SATL1: variants seen among roughly 807,000 people sequenced by gnomAD.
SATL1 encodes the protein spermidine/spermine N(1)-acetyltransferase-like protein 1.
In SATL1, 47 loss-of-function variants were observed where a neutral mutation model predicts 51.8. That is an observed-to-expected ratio of 0.91 (90% CI 0.72 to 1.16). SATL1 has a LOEUF of 1.16. Ranked by LOEUF, SATL1 falls within the 50% of genes most tolerant of loss-of-function variation. The pLI, the probability that SATL1 is intolerant of heterozygous loss-of-function variation, is 0.00. For synonymous variants in SATL1, 176 were observed against 182.4 expected, an observed-to-expected ratio of 0.97 and a Z score of 0.28; for missense variants, 520 against 526.4, an observed-to-expected ratio of 0.99 and a Z score of 0.12.
At chrX:85,133,388 C>T (rs1569233673) in intron 2 of SATL1, among the ~76,000 whole-genome samples, 1 of 112,212 alleles carries the variant, frequency 8.9e-6, no homozygotes. Flanking sequence ...CCCAGCCAGG[C>T]TTGCCACCTC....
intron 1 of SATL1, among the ~76,000 whole-genome samples, chrX:85,227,825 G>T: frequency 9.0e-6 from 1 of 111,650 alleles, no homozygotes; most frequent in African/African-American, 3.2e-5. Flanking sequence ...GGGGAATTTG[G>T]AACATGGTCT....
intron 2 of SATL1, among the ~76,000 whole-genome samples, chrX:85,126,749 A>T (rs915818860): frequency 9.0e-6 from 1 of 111,056 alleles, no homozygotes; most frequent in Non-Finnish European, 1.9e-5. Flanking sequence ...AGCACAAATT[A>T]GGTACCTAGT....
intron 2 of SATL1, among the ~76,000 whole-genome samples, chrX:85,180,536 A>G (rs1927178706): frequency 8.9e-6 from 1 of 111,961 alleles, no homozygotes; most frequent in Admixed American, 9.5e-5. Context: ...TTATAATCTT[A>G]TGGAACAAGC....
intron 2 of SATL1, among the ~76,000 whole-genome samples, chrX:85,181,670 G>C (rs1186796140): frequency 9.0e-6 from 1 of 110,931 alleles, no homozygotes. Flanking sequence ...TACATCTATG[G>C]GTTTGGCTAG....
At chrX:85,172,138 TCTC>T (rs1012112841) in intron 2 of SATL1, among the ~76,000 whole-genome samples, 2 of 111,287 alleles carry the variant, frequency 1.8e-5, no homozygotes, top group Non-Finnish European at 3.8e-5. Context: ...CTTCTTTCCT[TCTC>T]CTTCAAACCC....
At position 85,108,916 on chromosome X, in the gene SATL1, C is replaced by T; in HGVS notation, c.53G>A (p.Gly18Asp). Residue 18 changes from glycine to aspartate, a missense_variant, in exon 3 of 8, where the codon GGC becomes GAC. Gly to Asp is a moderately conservative substitution (Grantham distance 94). This residue lies in a region of SATL1 where 22 missense variants were observed against 23.8 expected (regional missense o/e 0.92). Transcript: ENST00000644105. Reference sequence around the variant, plus strand: ...TGAGTTTGTGCTTGGCTGGTTTATGCCTGCTTGGTTCGAGTCTGATAAACT... The same window carrying T: ...TGAGTTTGTGCTTGGCTGGTTTATGTCTGCTTGGTTCGAGTCTGATAAACT... Reference protein sequence around the residue: ...QSSLSDSNQAGINQPSTNSLG... With the variant: ...QSSLSDSNQADINQPSTNSLG... 2.5e-6 allele frequency: 3 copies of T among 1,210,216 alleles called. No individual in the cohort carries two copies. The highest frequency in any genetic ancestry group is 3.0e-5 in the East Asian group (1 of 33,737).
chrX:85,201,196 G>C (rs186914576), intron 2 of SATL1, among the ~76,000 whole-genome samples: 2 of 111,434 alleles, frequency 1.8e-5, no homozygotes, highest in Admixed American at 1.9e-4. Flanking sequence ...GTGTGGGGGT[G>C]ACTTAGATCA....
intron 4 of SATL1, among the ~76,000 whole-genome samples, chrX:85,102,872 A>G (rs990000462): frequency 5.4e-5 from 6 of 111,066 alleles, no homozygotes; most frequent in South Asian, 3.8e-4. Flanking sequence ...AAATGTTCCA[A>G]TGAACATTTC....
At chrX:85,149,319 T>A (rs1421865566) in intron 2 of SATL1, among the ~76,000 whole-genome samples, 1 of 111,236 alleles carries the variant, frequency 9.0e-6, no homozygotes, top group Non-Finnish European at 1.9e-5. Context: ...ATAAAGCAAG[T>A]CCTGAGTGAC....
chrX:85,165,049 G>C (rs1602883555), intron 2 of SATL1, among the ~76,000 whole-genome samples: 1 of 110,877 alleles, frequency 9.0e-6, no homozygotes, highest in South Asian at 3.8e-4. Context: ...AAATTTCCTG[G>C]GTGTTCTTTG....
At chrX:85,184,995 G>T (rs1464949520) in intron 2 of SATL1, among the ~76,000 whole-genome samples, 2 of 111,912 alleles carry the variant, frequency 1.8e-5, no homozygotes, top group African/African-American at 6.5e-5. Context: ...GTATTTGAAG[G>T]GACTTAGATG....
intron 2 of SATL1, among the ~76,000 whole-genome samples, chrX:85,157,386 C>A (rs183781779): frequency 0.011 from 1,270 of 111,204 alleles, 18 homozygotes; most frequent in African/African-American, 0.039. Flanking sequence ...AGGTGAATAT[C>A]CTACTATGAA....
chrX:85,181,514 C>G (rs1279301687), intron 2 of SATL1, among the ~76,000 whole-genome samples: 1 of 110,473 alleles, frequency 9.1e-6, no homozygotes, highest in Non-Finnish European at 1.9e-5. Context: ...ATCCAACTTG[C>G]CTGTGGGGTG....
chrX:85,196,030 C>G lies in SATL1; in HGVS notation c.-313+28175G>C, dbSNP rs1245419103. 2.7e-5 allele frequency among the ~76,000 whole-genome samples: 3 copies of G among 109,775 alleles called. No individual in the cohort carries two copies. The Admixed American group carries it at 3.0e-4, about 11-fold the overall frequency. ...CAGAGCACACCAAAACACATTCCTA[C>G]AAACCCATACCAGCCATGGAGTTGA... On this transcript the variant is annotated intron_variant, in intron 2 of 7. Transcript: ENST00000644105.
rs1308509112 is a variant in SATL1 at position 85,108,453 on chromosome X, G to C, written c.516C>G (p.Gly172=). The C allele has an allele frequency of 8.3e-7, 1 of 1,210,457 alleles. No individual in the cohort carries two copies. The highest frequency in any genetic ancestry group is 1.1e-6 in the Non-Finnish European group (1 of 895,401). Residue 172 remains glycine, a synonymous_variant, in exon 3 of 8, where the codon GGC becomes GGG. Coordinates refer to ENST00000644105, the MANE Select transcript of SATL1 (RefSeq NM_001367857.2). ...GTSQIGMSQP[G]TWQTGLSQPV... is the part of the protein sequence containing the mutation. ...GTTGGCTCAGTCCTGTTTGCCATGT[G>C]CCTGGTTGGCTCATGCCTATTTGGC... is the stretch of plus-strand genomic sequence containing the variant.
At chrX:85,109,770 A>T (rs1474308229) in intron 2 of SATL1, among the ~76,000 whole-genome samples, 3 of 111,530 alleles carry the variant, frequency 2.7e-5, no homozygotes, top group Non-Finnish European at 5.6e-5. Context: ...GCACTTTGGA[A>T]AGCCGTGGCG....
At chrX:85,177,183 C>A (rs1927097896) in intron 2 of SATL1, among the ~76,000 whole-genome samples, 1 of 111,184 alleles carries the variant, frequency 9.0e-6, no homozygotes. Flanking sequence ...AGATCCTAGA[C>A]CAGGAAAATT....
At chrX:85,116,421 G>A (rs777147619) in intron 2 of SATL1, among the ~76,000 whole-genome samples, 6 of 111,946 alleles carry the variant, frequency 5.4e-5, no homozygotes, top group Admixed American at 9.4e-5. Context: ...TACTTCTGAG[G>A]TCTTGTGACC....
At chrX:85,099,174 C>A in intron 4 of SATL1, among the ~76,000 whole-genome samples, 1 of 111,397 alleles carries the variant, frequency 9.0e-6, no homozygotes, top group Admixed American at 9.6e-5. Context: ...AAGAAATGGA[C>A]ACATTCCTTC....
Sources: gnomAD v4.1 joint callset for allele counts (sites outside exome capture counted in the v4.1 genomes callset) on GRCh38, gnomAD v4.1.1 for gene constraint, gnomAD v4.1.1 regional missense constraint, MANE v1.5 for transcripts, NCBI Gene and HGNC (gene_info 2026-07-23, HGNC 2026-07-21) for gene names.